Variants in VWF observed in about 807,000 individuals in gnomAD.
VWF encodes the protein von Willebrand factor.
In VWF, 176 loss-of-function variants were observed where a neutral mutation model predicts 308.6. That is an observed-to-expected ratio of 0.57 (90% CI 0.50 to 0.65). VWF has a LOEUF of 0.65. Ranked by LOEUF, VWF falls within the 30% of genes least tolerant of loss-of-function variation. VWF has a pLI of 0.00. For synonymous variants in VWF, 1,385 were observed against 1,443.4 expected (o/e 0.96, Z 0.92); for missense variants, 3,146 against 3,648.2 (o/e 0.86, Z 3.55).
rs755741472 is a variant in VWF, at chr12:6,031,469, C to T, written c.2795G>A (p.Gly932Glu). 4.3e-6 allele frequency: 7 copies of T among 1,614,148 alleles called. No homozygotes were observed. The Admixed American group carries it at 1.2e-4, about 27-fold the overall frequency. ...CTCCCCGTCAAACAGCTCAATCTCT[C>T]CTCCCTCCACCAGGATGGTGACCCG... Reference protein sequence around the residue: ...KKRVTILVEGGEIELFDGEVN... With the variant: ...KKRVTILVEGEEIELFDGEVN... The change falls in exon 21 of 52, where the codon GGA (glycine) becomes GAA (glutamate). Residue 932 changes from glycine to glutamate, a missense_variant. Transcript: ENST00000261405.
intron 9 of VWF, 74 bp downstream of exon 9, chr12:6,072,257 A>T: frequency 7.2e-7 from 1 of 1,394,018 alleles, no homozygotes; most frequent in South Asian, 1.2e-5. Flanking sequence ...ACCTGCCACC[A>T]CCCCTGCTGA....
At chr12:6,082,779 T>C (rs998155582) in intron 6 of VWF, among the ~76,000 whole-genome samples, 1 of 152,268 alleles carries the variant, frequency 6.6e-6, no homozygotes, top group African/African-American at 2.4e-5. Context: ...GCCTGGTTCA[T>C]GCATCATTCT....
intron 42 of VWF, among the ~76,000 whole-genome samples, chr12:5,976,838 A>G (rs143742205): frequency 6.6e-6 from 1 of 152,330 alleles, no homozygotes; most frequent in East Asian, 1.9e-4. Flanking sequence ...AACAGATGAA[A>G]AAGGCTGGTT....
intron 47 of VWF, among the ~76,000 whole-genome samples, chr12:5,964,184 T>G (rs1182541069): frequency 1.5e-5 from 2 of 137,172 alleles, no homozygotes; most frequent in Non-Finnish European, 3.2e-5. Flanking sequence ...ACCACTGCAC[T>G]CCAGCCTGGG....
chr12:6,043,174 C>T (rs887323159), intron 18 of VWF, among the ~76,000 whole-genome samples: 1 of 152,176 alleles, frequency 6.6e-6, no homozygotes. Flanking sequence ...GAGGCTAAGA[C>T]AGAGGAGGAG....
At position 6,019,595 on chromosome 12, in the gene VWF, G is replaced by T. The variant is rs762943129; in HGVS notation, c.3823C>A (p.Leu1275Ile). Residue 1275 changes from leucine to isoleucine, a missense_variant, in exon 28 of 52, where the codon CTA becomes ATA. By Grantham distance (5) the Leu-to-Ile change is conservative. This residue lies in a region of VWF where 853 missense variants were observed against 1,177.8 expected (regional missense o/e 0.72). Transcript: ENST00000261405. The surrounding 1 kb of genome is among the most constrained non-coding windows in gnomAD (Gnocchi z 5.8). ...TCCAGCAGGAAGACCAGGTCCAGTA[G>T]CCTGCTGCAGTAGAAATCGTGCAAC... ...PPLHDFYCSRLLDLVFLLDGS... is the reference protein window; with the variant it reads ...PPLHDFYCSRILDLVFLLDGS... The T allele has an allele frequency of 1.2e-6, 2 of 1,613,970 alleles. No homozygotes were observed. The highest frequency in any genetic ancestry group is 2.2e-5 in the South Asian group (2 of 91,072).
chr12:6,034,876 G>A (rs1944317778), intron 19 of VWF, 50 bp from the exon 20 acceptor site: 3 of 1,606,620 alleles, frequency 1.9e-6, no homozygotes, highest in Non-Finnish European at 1.7e-6. Context: ...TGGGTTTGAG[G>A]GGCCCATCTG....
intron 5 of VWF, chr12:6,096,107 AGATGGATGGATG>A (rs58581042): frequency 0.04 from 6,265 of 156,040 alleles, 374 homozygotes; most frequent in African/African-American, 0.15. Context: ...ATGGATGGAT[AGATGGATGGATG>A]GATGGATGGA....
chr12:6,117,033 T>A (rs1591928129), intron 3 of VWF, among the ~76,000 whole-genome samples: 1 of 151,706 alleles, frequency 6.6e-6, no homozygotes, highest in Admixed American at 6.6e-5. Flanking sequence ...CTTCCTCTTC[T>A]CCCACACACC....
chr12:6,058,036 G>T lies in VWF; in HGVS notation c.1542C>A (p.Pro514=). 1.9e-6 allele frequency: 3 copies of T among 1,612,980 alleles called. No homozygotes were observed. The South Asian group carries it at 3.3e-5, about 18-fold the overall frequency. ...GRGRLLVKLS[P]VYAGKTCGLC... is the part of the protein sequence containing the mutation. ...GGCCGCAGGTCTTCCCGGCATAGAC[G>T]GGGGACAGCTGCAGGAGAGACCAGG... The change falls in exon 14 of 52, where the codon CCC becomes CCA. Residue 514 remains proline (P), a synonymous_variant. Coordinates refer to ENST00000261405, the MANE Select transcript of VWF (RefSeq NM_000552.5). This position sits in a 1 kb window ranked among gnomAD's most constrained non-coding sequence, Gnocchi z 4.9.
chr12:6,053,216 GCATA>G (rs977234261), intron 15 of VWF, among the ~76,000 whole-genome samples: 1 of 152,178 alleles, frequency 6.6e-6, no homozygotes, highest in Admixed American at 6.5e-5. Flanking sequence ...ACGGGCAAGG[GCATA>G]CCCCGTGACA....
At chr12:6,035,049 G>A (rs941901717) in intron 19 of VWF, among the ~76,000 whole-genome samples, 1 of 152,150 alleles carries the variant, frequency 6.6e-6, no homozygotes, top group South Asian at 2.1e-4. Context: ...CTAAAAGGGG[G>A]AAACTGAGGC....
At chr12:6,100,321 G>A (rs1202775778) in intron 5 of VWF, among the ~76,000 whole-genome samples, 2 of 148,218 alleles carry the variant, frequency 1.3e-5, no homozygotes, top group Admixed American at 6.6e-5. Context: ...AACCATTGTG[G>A]AAGTCAGTGT....
intron 43 of VWF, among the ~76,000 whole-genome samples, chr12:5,974,251 C>A (rs150903726): frequency 1.3e-5 from 2 of 152,124 alleles, no homozygotes; most frequent in Non-Finnish European, 2.9e-5. Context: ...CAGTACAGAT[C>A]GAAGCCCAGC....
intron 12 of VWF, 54 bp downstream of exon 12, chr12:6,064,192 G>A: frequency 6.2e-7 from 1 of 1,613,532 alleles, no homozygotes; most frequent in Non-Finnish European, 8.5e-7. Context: ...GAAGGAGGGT[G>A]CTAAGGGATG....
At chr12:6,088,193 C>T (rs1204035002) in intron 6 of VWF, among the ~76,000 whole-genome samples, 2 of 152,100 alleles carry the variant, frequency 1.3e-5, no homozygotes, top group Non-Finnish European at 1.5e-5. Context: ...AAAGGGGTGC[C>T]TTTGGCCGGG....
Position 6,103,536 on chromosome 12 carries a change from A to ACGTG in VWF, c.532+6837_532+6838insCACG, listed in dbSNP as rs1414940996. On this transcript the variant is annotated intron_variant, in intron 5 of 51. Coordinates refer to ENST00000261405, the MANE Select transcript of VWF (RefSeq NM_000552.5). ...TATACACACATATGTGTATATACAC[A>ACGTG]TATATGTATACACACACACACACAC... 1.8e-5 allele frequency among the ~76,000 whole-genome samples: 2 copies of ACGTG among 113,496 alleles called. 1 individual carries two copies. The highest frequency in any genetic ancestry group is 7.1e-5 in the African/African-American group (2 of 28,190). The allele number at this position is 113,496 out of a possible 152,430, so 74.5% of individuals were successfully genotyped here. A position where few individuals can be genotyped will look rare whatever the true frequency, so the allele number is the denominator to read the frequency against.
chr12:6,064,103 C>T, intron 12 of VWF, 143 bp downstream of exon 12: 1 of 1,362,676 alleles, frequency 7.3e-7, no homozygotes, highest in Admixed American at 1.9e-5. Context: ...AGCACCCCAC[C>T]CTGCCCTCCA....
Position 6,058,567 on chromosome 12 carries a change from C to T in VWF, c.1534-523G>A, listed in dbSNP as rs895537276. 6.6e-5 allele frequency among the ~76,000 whole-genome samples: 10 copies of T among 152,152 alleles called. No individual in the cohort carries two copies. The highest frequency in any genetic ancestry group is 2.4e-4 in the African/African-American group (10 of 41,444). ...AGGTGTGGTCCAAGCCCTCCGGGAG[C>T]TCACGGTTAATGACAAGAAACACCT... On this transcript the variant is annotated intron_variant, in intron 13 of 51. Transcript: ENST00000261405. The surrounding 1 kb of genome is among the most constrained non-coding windows in gnomAD (Gnocchi z 4.9).
Sources: allele counts gnomAD v4.1 joint callset (sites outside exome capture counted in the v4.1 genomes callset), GRCh38; gene constraint gnomAD v4.1.1; regional missense constraint gnomAD v4.1.1; non-coding constraint Gnocchi (gnomAD v3.1); transcripts MANE v1.5; gene names NCBI Gene and HGNC (gene_info 2026-07-23, HGNC 2026-07-21).